The following TAFA4 variants were observed in gnomAD, a reference collection of about 807,000 sequenced individuals.
The protein encoded by TAFA4 is chemokine-like protein TAFA-4.
In TAFA4, 20 loss-of-function variants were observed where a neutral mutation model predicts 21.1. The ratio of observed to expected loss-of-function variants is 0.95; its 90% CI spans 0.67 to 1.38. TAFA4 has a LOEUF of 1.38. Among genes scored for constraint, TAFA4 ranks in the 40% most tolerant of loss-of-function variants. TAFA4 has a pLI of 0.00. For missense variants in TAFA4, 211 were observed against 180.9 expected (o/e 1.17, Z -0.95); for synonymous variants, 71 against 67.4 (o/e 1.05, Z -0.26).
rs530164238 is a variant in TAFA4, at chr3:68,810,209, G to A, written c.131-57191C>T. Among the ~76,000 whole-genome samples, 32 of 152,162 alleles carry A rather than the reference G, an allele frequency of 2.1e-4. 1 individual carries two copies. Among genetic ancestry groups the A allele is most frequent in the African/African-American group, 6.5e-4 (27 of 41,542 alleles). On this transcript the variant is annotated intron_variant, in intron 3 of 5. Transcript: ENST00000295569. ...AGTAATTCTGGAGCTGTTCCTATTC[G>A]GCCATCTTGGCTCCAGTCTACAGCT... is the stretch of plus-strand genomic sequence containing the variant.
At chr3:68,848,886 G>A (rs11709293) in intron 3 of TAFA4, among the ~76,000 whole-genome samples, 68,425 of 151,532 alleles carry the variant, frequency 0.45, 16,034 homozygotes, top group African/African-American at 0.54. Flanking sequence ...TCACCCAACA[G>A]AAATAAACTT....
At chr3:68,745,216 G>A (rs910966705) in intron 4 of TAFA4, among the ~76,000 whole-genome samples, 1 of 152,182 alleles carries the variant, frequency 6.6e-6, no homozygotes, top group African/African-American at 2.4e-5. Flanking sequence ...TTTAAGCTTC[G>A]AGTGCACCTT....
chr3:68,798,491 T>C (rs753806966), intron 3 of TAFA4, among the ~76,000 whole-genome samples: 2 of 152,232 alleles, frequency 1.3e-5, no homozygotes, highest in Non-Finnish European at 2.9e-5. Flanking sequence ...GAATCTGGAC[T>C]TAATTTTTAT....
chr3:68,736,683 G>A (rs910760182), intron 5 of TAFA4, among the ~76,000 whole-genome samples: 5 of 152,096 alleles, frequency 3.3e-5, no homozygotes, highest in South Asian at 2.1e-4. Flanking sequence ...TACCTGTGGT[G>A]TAAGGTCAGT....
At position 68,813,721 on chromosome 3, in the gene TAFA4, G is replaced by A. The variant is rs185494914; in HGVS notation, c.131-60703C>T. ...TCCAGGACCAGATGGATTCACAGCC[G>A]AATTCTACCAGAGGTACAAGGAGGA... On this transcript the variant is annotated intron_variant, in intron 3 of 5. Transcript: ENST00000295569. Among the ~76,000 whole-genome samples the A allele has an allele frequency of 6.0e-3, 911 of 152,148 alleles. 58 individuals carry two copies. In the East Asian group the frequency reaches 0.13, roughly 22 times the overall value.
chr3:68,735,697 A>G (rs1702229908), intron 5 of TAFA4, among the ~76,000 whole-genome samples: 1 of 152,238 alleles, frequency 6.6e-6, no homozygotes, highest in East Asian at 1.9e-4. Context: ...TTCTGTACAA[A>G]TTTTCCAATA....
chr3:68,886,641 G>A (rs776039876), intron 1 of TAFA4, among the ~76,000 whole-genome samples: 1 of 152,086 alleles, frequency 6.6e-6, no homozygotes, highest in Non-Finnish European at 1.5e-5. Context: ...GGAAAGTAAT[G>A]CGACCTAATA....
chr3:68,840,292 C>T (rs1020257300), intron 3 of TAFA4, among the ~76,000 whole-genome samples: 3 of 152,174 alleles, frequency 2.0e-5, no homozygotes, highest in Non-Finnish European at 2.9e-5. Context: ...ACTGCAGCCC[C>T]GACCTCCTGG....
intron 3 of TAFA4, among the ~76,000 whole-genome samples, chr3:68,781,431 A>G (rs901423297): frequency 6.6e-6 from 1 of 152,040 alleles, no homozygotes; most frequent in Non-Finnish European, 1.5e-5. Context: ...CAATATTAAT[A>G]ACAAAAAGGG....
chr3:68,829,881 T>C lies in TAFA4; in HGVS notation c.130+50849A>G, dbSNP rs532222249. ...AATTTCAGAGCCTGTTGTTGGTCTA[T>C]TCAGAGATTCAACTTCTTCCTGGTT... On this transcript the variant is annotated intron_variant, in intron 3 of 5. Transcript: ENST00000295569. 4.6e-5 allele frequency among the ~76,000 whole-genome samples: 7 copies of C among 152,324 alleles called. No individual in the cohort carries two copies. In the South Asian group the frequency reaches 1.4e-3, roughly 32 times the overall value.
At chr3:68,850,796 G>T (rs971273723) in intron 3 of TAFA4, among the ~76,000 whole-genome samples, 2 of 151,664 alleles carry the variant, frequency 1.3e-5, no homozygotes, top group African/African-American at 4.8e-5. Context: ...TTTGACAGAT[G>T]GACAGACTGC....
intron 3 of TAFA4, among the ~76,000 whole-genome samples, chr3:68,805,895 T>C (rs1365486380): frequency 6.6e-6 from 1 of 152,138 alleles, no homozygotes; most frequent in African/African-American, 2.4e-5. Context: ...ACATGGCACA[T>C]GTATACATAC....
intron 3 of TAFA4, among the ~76,000 whole-genome samples, chr3:68,785,655 A>C (rs1444544796): frequency 6.6e-6 from 1 of 151,872 alleles, no homozygotes; most frequent in Non-Finnish European, 1.5e-5. Context: ...CTCCCTCCAT[A>C]CCTCCCAGCA....
intron 1 of TAFA4, among the ~76,000 whole-genome samples, chr3:68,931,610 G>C (rs79904138): frequency 0.057 from 8,633 of 152,268 alleles, 349 homozygotes; most frequent in Non-Finnish European, 0.087. Flanking sequence ...TGCCACCTTG[G>C]TGGGCAAATC....
chr3:68,815,642 A>G (rs1243375100), intron 3 of TAFA4, among the ~76,000 whole-genome samples: 1 of 152,220 alleles, frequency 6.6e-6, no homozygotes, highest in East Asian at 1.9e-4. Context: ...TAGAATGGCA[A>G]TCATTAAAAA....
intron 3 of TAFA4, among the ~76,000 whole-genome samples, chr3:68,784,964 C>A (rs547234887): frequency 6.6e-6 from 1 of 152,224 alleles, no homozygotes; most frequent in Admixed American, 6.5e-5. Context: ...CTGAGCTAGA[C>A]ACAAGGTGCT....
At chr3:68,748,798 GC>G (rs1702508981) in intron 4 of TAFA4, among the ~76,000 whole-genome samples, 2 of 150,392 alleles carry the variant, frequency 1.3e-5, no homozygotes, top group South Asian at 4.2e-4. Flanking sequence ...TTTTTAAATA[GC>G]TTTGAAAAGT....
intron 3 of TAFA4, among the ~76,000 whole-genome samples, chr3:68,795,244 G>A (rs186825899): frequency 1.3e-5 from 2 of 151,126 alleles, no homozygotes; most frequent in African/African-American, 2.4e-5. Flanking sequence ...AGGGTACAAC[G>A]CATTCTAGAT....
At chr3:68,751,017 T>A (rs9829270) in intron 4 of TAFA4, among the ~76,000 whole-genome samples, 103,498 of 152,072 alleles carry the variant, frequency 0.68, 35,703 homozygotes, top group East Asian at 0.99. Flanking sequence ...ATCCAGGGTG[T>A]TGCAAGAACT....
Sources: allele counts gnomAD v4.1 joint callset (sites outside exome capture counted in the v4.1 genomes callset), GRCh38; gene constraint gnomAD v4.1.1; transcripts MANE v1.5; gene names NCBI Gene and HGNC (gene_info 2026-07-23, HGNC 2026-07-21).